SAMD8: variants seen among roughly 807,000 people sequenced by gnomAD.
SAMD8 encodes the protein sphingomyelin synthase-related protein 1.
In SAMD8, 20 loss-of-function variants were observed where a neutral mutation model predicts 42.0. That is an observed-to-expected ratio of 0.48 (90% CI 0.34 to 0.69). The LOEUF is 0.69. SAMD8 is among the 30% of genes least tolerant of loss of function. SAMD8 has a pLI of 0.01. For synonymous variants in SAMD8, 162 were observed against 173.0 expected (o/e 0.94, Z 0.50); for missense variants, 328 against 511.6 (o/e 0.64, Z 3.46).
chr10:75,135,465 AAAAATT>A, intron 1 of SAMD8, among the ~76,000 whole-genome samples: 1 of 151,672 alleles, frequency 6.6e-6, no homozygotes, highest in Non-Finnish European at 1.5e-5. Context: ...AAAAAAAAAA[AAAAATT>A]ACACTGTACC....
In SAMD8 at chr10:75,117,384, T is replaced by C. The variant is rs184888816; in HGVS notation, c.-16+5662T>C. Among the ~76,000 whole-genome samples the C allele has an allele frequency of 3.4e-3, 516 of 151,172 alleles. 2 individuals are homozygous for C. Among genetic ancestry groups the C allele is most frequent in the African/African-American group, 0.012 (478 of 41,164 alleles). On this transcript the variant is annotated intron_variant, in intron 1 of 5. Transcript: ENST00000542569. Reference sequence around the variant, plus strand: ...CTGCAGTAAGCTGTGATTGCGCCACTGCACTCCAGCCTGGGTAAAGAGTGA... The same window carrying C: ...CTGCAGTAAGCTGTGATTGCGCCACCGCACTCCAGCCTGGGTAAAGAGTGA...
intron 2 of SAMD8, among the ~76,000 whole-genome samples, chr10:75,156,693 C>G (rs1840417790): frequency 6.6e-6 from 1 of 151,760 alleles, no homozygotes; most frequent in African/African-American, 2.4e-5. Flanking sequence ...TCAGACAAAT[C>G]CAGAACATGG....
intron 1 of SAMD8, among the ~76,000 whole-genome samples, chr10:75,116,810 ATATT>A (rs954146096): frequency 1.3e-5 from 2 of 152,022 alleles, no homozygotes; most frequent in East Asian, 1.9e-4. Context: ...TGGATGTAGC[ATATT>A]TATTTATTTA....
chr10:75,122,603 ACT>A (rs1272029360), intron 1 of SAMD8, among the ~76,000 whole-genome samples: 1 of 140,550 alleles, frequency 7.1e-6, no homozygotes, highest in Non-Finnish European at 1.5e-5. Flanking sequence ...ATAGACGGAG[ACT>A]CTGTCTCAAA....
chr10:75,123,051 T>G lies in SAMD8; in HGVS notation c.-16+11329T>G, dbSNP rs142602878. On this transcript the variant is annotated intron_variant, in intron 1 of 5. Transcript: ENST00000542569. ...TTTGCATCTATATTCGTGAGGGATA[T>G]TGGCCCTTCTACAGACACCATCTCC... Among the ~76,000 whole-genome samples, 324 of 152,262 alleles carry G rather than the reference T, an allele frequency of 2.1e-3. 5 individuals carry two copies. In the East Asian group the frequency reaches 0.035, roughly 16 times the overall value.
intron 1 of SAMD8, among the ~76,000 whole-genome samples, chr10:75,126,228 C>G (rs1175058908): frequency 1.3e-5 from 2 of 152,180 alleles, no homozygotes; most frequent in Admixed American, 6.5e-5. Flanking sequence ...TCTGATTTTA[C>G]CAACTGGAAA....
intron 1 of SAMD8, among the ~76,000 whole-genome samples, chr10:75,114,263 C>T (rs191142260): frequency 4.4e-4 from 66 of 150,088 alleles, no homozygotes; most frequent in Non-Finnish European, 8.7e-4. Flanking sequence ...CTCTTGAACC[C>T]GGGAAGCAGA....
At chr10:75,161,553 GAAAAA>G (rs200288673) in intron 2 of SAMD8, among the ~76,000 whole-genome samples, 3 of 139,824 alleles carry the variant, frequency 2.1e-5, no homozygotes, top group Non-Finnish European at 4.7e-5. Flanking sequence ...AGCGCAAACA[GAAAAA>G]AAAAAGTAAA....
intron 2 of SAMD8, among the ~76,000 whole-genome samples, chr10:75,155,644 A>G (rs550262869): frequency 6.6e-6 from 1 of 152,300 alleles, no homozygotes; most frequent in Non-Finnish European, 1.5e-5. Flanking sequence ...TGTGAGATGT[A>G]TTGGAATTTA....
chr10:75,145,715 C>T (rs113560965), intron 1 of SAMD8, among the ~76,000 whole-genome samples: 1 of 152,104 alleles, frequency 6.6e-6, no homozygotes, highest in Non-Finnish European at 1.5e-5. Flanking sequence ...ATCATTCCCC[C>T]CCAAAGTTGT....
At position 75,102,021 on chromosome 10, in the gene SAMD8, C is replaced by G. The variant is rs557660348; in HGVS notation, c.-16+2293C>G. ...CTGTCTACTCCCCTCTTCCAGCCTC[C>G]CCTGCCACTCCCAACTTGTCCACTG... On this transcript the variant is annotated intron_variant, in intron 1 of 3. Transcript: ENST00000447533. The G allele has an allele frequency of 7.9e-5, 99 of 1,251,950 alleles. No homozygotes were observed. The African/African-American group carries it at 1.4e-3, about 17-fold the overall frequency. The allele number at this position is 1,251,950 out of a possible 1,614,324, so 77.6% of individuals were successfully genotyped here. A position where few individuals can be genotyped will look rare whatever the true frequency, so the allele number is the denominator to read the frequency against.
intron 1 of SAMD8, among the ~76,000 whole-genome samples, chr10:75,132,124 A>G (rs1849286641): frequency 6.6e-6 from 1 of 152,176 alleles, no homozygotes; most frequent in Non-Finnish European, 1.5e-5. Context: ...GGAGAGAGAG[A>G]GACTGAAACT....
At chr10:75,164,511 A>G (rs900982528) in intron 2 of SAMD8, 134 bp from the exon 3 acceptor site, 14 of 1,405,252 alleles carry the variant, frequency 1.0e-5, no homozygotes, top group Non-Finnish European at 1.2e-5. Flanking sequence ...AGTTTCTCCA[A>G]ATATCATTTT....
In SAMD8 at chr10:75,176,967, C is replaced by G. The variant is rs1841003848; in HGVS notation, c.*275C>G. ...GATTGAAGTCAGGCTGTACCCTTAC[C>G]TGTTGAGTATTTGCTTATTGAACTT... On this transcript the variant is annotated 3_prime_UTR_variant, in exon 6 of 6. Transcript: ENST00000542569. The surrounding 1 kb of genome is among the most constrained non-coding windows in gnomAD (Gnocchi z 4.3). 1 of 300,252 alleles carries G rather than the reference C, an allele frequency of 3.3e-6. No individual in the cohort carries two copies. Among genetic ancestry groups the G allele is most frequent in the Non-Finnish European group, 6.1e-6 (1 of 163,010 alleles). The allele number at this position is 300,252 out of a possible 1,614,324, so 18.6% of individuals were successfully genotyped here.
At chr10:75,161,187 G>C (rs1416007691) in intron 2 of SAMD8, among the ~76,000 whole-genome samples, 2 of 152,282 alleles carry the variant, frequency 1.3e-5, no homozygotes, top group East Asian at 3.9e-4. Context: ...GTCCAGATGA[G>C]AACAGAGCTG....
intron 4 of SAMD8, among the ~76,000 whole-genome samples, chr10:75,170,730 AT>A (rs1026712013): frequency 1.3e-5 from 2 of 148,730 alleles, no homozygotes; most frequent in African/African-American, 5.0e-5. Context: ...CACACAGACC[AT>A]TTTTAAGCAT....
intron 1 of SAMD8, among the ~76,000 whole-genome samples, chr10:75,106,153 G>A (rs1476231607): frequency 6.8e-6 from 1 of 146,738 alleles, no homozygotes; most frequent in African/African-American, 2.5e-5. Flanking sequence ...TGTTGCCCAG[G>A]CTGGTCTTGA....
At chr10:75,131,043 G>A (rs1416118302) in intron 1 of SAMD8, among the ~76,000 whole-genome samples, 1 of 152,186 alleles carries the variant, frequency 6.6e-6, no homozygotes, top group Non-Finnish European at 1.5e-5. Flanking sequence ...AGAAGTCCAG[G>A]CAGGCAGAAC....
intron 1 of SAMD8, among the ~76,000 whole-genome samples, chr10:75,147,445 C>T (rs1185045999): frequency 6.6e-6 from 1 of 152,160 alleles, no homozygotes; most frequent in East Asian, 1.9e-4. Flanking sequence ...TCTGCCTCAA[C>T]CTCCCTAGTA....
Sources: allele counts gnomAD v4.1 joint callset (sites outside exome capture counted in the v4.1 genomes callset), GRCh38; gene constraint gnomAD v4.1.1; non-coding constraint Gnocchi (gnomAD v3.1); transcripts MANE v1.5; gene names NCBI Gene and HGNC (gene_info 2026-07-23, HGNC 2026-07-21).